Variants in PDZRN4 observed in about 807,000 individuals in gnomAD.
The protein encoded by PDZRN4 is PDZ domain containing ring finger 4, also known as PDZ domain-containing RING finger protein 4.
Under a neutral mutation model 99.0 loss-of-function variants are expected in PDZRN4, and 70 were observed. The observed-to-expected ratio is 0.71, with a 90% CI of 0.58 to 0.86. The LOEUF is 0.86. Ranked by LOEUF, PDZRN4 falls within the 40% of genes least tolerant of loss-of-function variation. The pLI, the probability that PDZRN4 is intolerant of heterozygous loss-of-function variation, is 0.00. For synonymous variants in PDZRN4, 551 were observed against 501.6 expected (o/e 1.10, Z -1.32); for missense variants, 1,474 against 1,331.2 (o/e 1.11, Z -1.67).
At chr12:41,442,884 A>G (rs1313745477) in intron 3 of PDZRN4, among the ~76,000 whole-genome samples, 1 of 152,166 alleles carries the variant, frequency 6.6e-6, no homozygotes, top group African/African-American at 2.4e-5. Flanking sequence ...AATAAATAGC[A>G]AGTCCTCAGA....
chr12:41,393,046 C>A (rs1952220753), intron 3 of PDZRN4, among the ~76,000 whole-genome samples: 1 of 152,182 alleles, frequency 6.6e-6, no homozygotes, highest in African/African-American at 2.4e-5. Context: ...AGTGTTCTCA[C>A]TATCACCAGT....
chr12:41,214,429 C>CAAAAAAAA (rs1950907530), intron 3 of PDZRN4, among the ~76,000 whole-genome samples: 2 of 16,196 alleles, frequency 1.2e-4, no homozygotes, highest in East Asian at 2.1e-3. Flanking sequence ...ACCCTGTCCC[C>CAAAAAAAA]TAAAAAAAAA....
intron 3 of PDZRN4, among the ~76,000 whole-genome samples, chr12:41,261,095 T>A (rs1431666388): frequency 6.6e-6 from 1 of 152,174 alleles, no homozygotes; most frequent in East Asian, 1.9e-4. Flanking sequence ...ATCCCAGTTT[T>A]AAAAGACATA....
intron 8 of PDZRN4, among the ~76,000 whole-genome samples, chr12:41,566,421 C>T (rs1939371457): frequency 1.3e-5 from 2 of 152,174 alleles, no homozygotes; most frequent in African/African-American, 4.8e-5. Flanking sequence ...AAAATTTGAA[C>T]AATTATAAAT....
intron 3 of PDZRN4, among the ~76,000 whole-genome samples, chr12:41,371,554 C>CA (rs1952041784): frequency 6.6e-6 from 1 of 151,704 alleles, no homozygotes; most frequent in Non-Finnish European, 1.5e-5. Flanking sequence ...TGTAGCCAAA[C>CA]AAAAAAAGAA....
chr12:41,532,974 A>G (rs950135404), intron 5 of PDZRN4, among the ~76,000 whole-genome samples: 3 of 152,144 alleles, frequency 2.0e-5, no homozygotes, highest in African/African-American at 7.2e-5. Context: ...TATACATTAG[A>G]TCAACCTGTT....
chr12:41,209,514 A>G (rs1950874020), intron 3 of PDZRN4, among the ~76,000 whole-genome samples: 1 of 125,220 alleles, frequency 8.0e-6, no homozygotes, highest in South Asian at 2.9e-4. Context: ...ACCCCACAAC[A>G]GGCCCCGATG....
At chr12:41,222,033 G>A (rs1269262338) in intron 3 of PDZRN4, among the ~76,000 whole-genome samples, 3 of 152,166 alleles carry the variant, frequency 2.0e-5, no homozygotes, top group African/African-American at 7.2e-5. Flanking sequence ...AAGCAGCATT[G>A]CAATGCTCAC....
At chr12:41,271,779 C>T (rs765714981) in intron 3 of PDZRN4, among the ~76,000 whole-genome samples, 82 of 152,090 alleles carry the variant, frequency 5.4e-4, no homozygotes, top group Non-Finnish European at 1.0e-3. Flanking sequence ...AAATGCAGCA[C>T]ATTAGTAAGC....
intron 3 of PDZRN4, among the ~76,000 whole-genome samples, chr12:41,253,122 AT>A (rs1284290149): frequency 6.6e-6 from 1 of 152,130 alleles, no homozygotes; most frequent in African/African-American, 2.4e-5. Flanking sequence ...ATTGATTATC[AT>A]TTTACTTTGT....
intron 3 of PDZRN4, among the ~76,000 whole-genome samples, chr12:41,260,977 A>G (rs1321832986): frequency 6.6e-6 from 1 of 152,162 alleles, no homozygotes; most frequent in African/African-American, 2.4e-5. Context: ...TCCATGATTT[A>G]TCTCTCCCTT....
intron 3 of PDZRN4, among the ~76,000 whole-genome samples, chr12:41,216,966 C>G (rs1168639089): frequency 6.6e-6 from 1 of 152,042 alleles, no homozygotes; most frequent in Non-Finnish European, 1.5e-5. Flanking sequence ...ACCTATTTGT[C>G]TCATGAAGAA....
At chr12:41,418,673 G>T (rs1325081641) in intron 3 of PDZRN4, among the ~76,000 whole-genome samples, 2 of 152,188 alleles carry the variant, frequency 1.3e-5, no homozygotes, top group Admixed American at 1.3e-4. Flanking sequence ...TTCAGAGTTT[G>T]TTGTTATGTA....
intron 3 of PDZRN4, among the ~76,000 whole-genome samples, chr12:41,421,839 A>C (rs1565578772): frequency 6.6e-6 from 1 of 152,206 alleles, no homozygotes; most frequent in African/African-American, 2.4e-5. Context: ...AAGTATTACC[A>C]ACAATAAAAT....
rs186924901 is a variant in PDZRN4, at chr12:41,373,349, C to T, written c.844-133107C>T. On this transcript the variant is annotated intron_variant, in intron 3 of 9. Transcript: ENST00000402685. Reference sequence around the variant, plus strand: ...TTCCTCATCCTAATAAGCCTGGGAGCGCTACAGGAGACTGGGGCTTATTTC... The same window carrying T: ...TTCCTCATCCTAATAAGCCTGGGAGTGCTACAGGAGACTGGGGCTTATTTC... Among the ~76,000 whole-genome samples, 834 of 152,136 alleles carry T rather than the reference C, an allele frequency of 5.5e-3. 9 individuals are homozygous for T. The highest frequency in any genetic ancestry group is 0.019 in the African/African-American group (771 of 41,512).
At chr12:41,356,424 T>C (rs753873325) in intron 3 of PDZRN4, among the ~76,000 whole-genome samples, 5 of 151,798 alleles carry the variant, frequency 3.3e-5, no homozygotes, top group Non-Finnish European at 5.9e-5. Context: ...AGGTGGCAGG[T>C]TTTAGAATCT....
rs189610776 is a variant in PDZRN4, at chr12:41,199,595, C to A, written c.843+5407C>A. The stretch of plus-strand genomic sequence containing the variant: ...AGCACCATTCACAATAGCAAAGTCA[C>A]GGAATCAACCTATGTGTCCATCAGT... On this transcript the variant is annotated intron_variant, in intron 3 of 9. Transcript: ENST00000402685. Among the ~76,000 whole-genome samples, 3 of 152,212 alleles carry A rather than the reference C, an allele frequency of 2.0e-5. No homozygotes were observed. In the East Asian group the frequency reaches 5.8e-4, roughly 30 times the overall value.
At chr12:41,379,649 G>A (rs567142915) in intron 3 of PDZRN4, among the ~76,000 whole-genome samples, 22 of 151,202 alleles carry the variant, frequency 1.5e-4, no homozygotes, top group African/African-American at 5.1e-4. Context: ...CCATATAGTT[G>A]AGAATTTTTC....
intron 7 of PDZRN4, among the ~76,000 whole-genome samples, chr12:41,560,522 T>C (rs1446787186): frequency 1.3e-5 from 2 of 152,172 alleles, no homozygotes; most frequent in African/African-American, 4.8e-5. Context: ...GAGACAGTTA[T>C]GTTAACAAAA....
Sources: allele counts gnomAD v4.1 joint callset (sites outside exome capture counted in the v4.1 genomes callset), GRCh38; gene constraint gnomAD v4.1.1; transcripts MANE v1.5; gene names NCBI Gene and HGNC (gene_info 2026-07-23, HGNC 2026-07-21).